TNIP1: variants seen among roughly 807,000 people sequenced by gnomAD.
TNIP1 encodes the protein TNFAIP3-interacting protein 1.
A neutral mutation model predicts 86.6 loss-of-function variants in TNIP1; 22 were observed. That is an observed-to-expected ratio of 0.25 (90% confidence interval 0.18 to 0.36). The LOEUF is 0.36. Ranked by LOEUF, TNIP1 falls within the 10% of genes least tolerant of loss-of-function variation. The pLI, the probability that TNIP1 is intolerant of heterozygous loss-of-function variation, is 1.00. For synonymous variants in TNIP1, 294 were observed against 313.0 expected (o/e 0.94, Z 0.64); for missense variants, 709 against 820.6 (o/e 0.86, Z 1.66).
At position 151,065,121 on chromosome 5, in the gene TNIP1, T is replaced by C. The variant is rs192679922; in HGVS notation, c.-26A>G. 7.7e-5 allele frequency: 123 copies of C among 1,606,724 alleles called. 3 individuals carry two copies. In the East Asian group the frequency reaches 1.7e-3, roughly 22 times the overall value. ...GAGGGTAGCTCAGCCCCTGCCGTGG[T>C]GCCCGCCTGGCTGTAAGGACAACAG... On this transcript the variant is annotated 5_prime_UTR_variant, in exon 2 of 18. Coordinates refer to ENST00000521591, the MANE Select transcript of TNIP1 (RefSeq NM_006058.5).
chr5:151,066,325 C>G (rs371303363), intron 1 of TNIP1, among the ~76,000 whole-genome samples: 6 of 152,340 alleles, frequency 3.9e-5, no homozygotes, highest in African/African-American at 1.4e-4. Flanking sequence ...AAACACCGAG[C>G]CAGCCTCCAG....
rs768691423 is a variant in TNIP1, at chr5:151,030,119, A to G, written c.*594T>C. ...GCGCCCCTCGGCGGACGTGGCTGGCATGGCCTTCTCCCATCTGTGATGGCT... is the reference window on the plus strand; with the variant it reads ...GCGCCCCTCGGCGGACGTGGCTGGCGTGGCCTTCTCCCATCTGTGATGGCT... On this transcript the variant is annotated 3_prime_UTR_variant, in exon 18 of 18. Coordinates refer to ENST00000521591, the MANE Select transcript of TNIP1 (RefSeq NM_006058.5). 4.4e-6 allele frequency: 2 copies of G among 456,890 alleles called. No individual in the cohort carries two copies. Among genetic ancestry groups the G allele is most frequent in the South Asian group, 1.5e-5 (1 of 64,570 alleles). The allele number at this position is 456,890 out of a possible 1,614,324, so 28.3% of individuals were successfully genotyped here. A position where few individuals can be genotyped will look rare whatever the true frequency, so the allele number is the denominator to read the frequency against.
chr5:151,035,838 C>T, intron 13 of TNIP1, 131 bp from the exon 14 acceptor site: 1 of 1,107,980 alleles, frequency 9.0e-7, no homozygotes, highest in Non-Finnish European at 1.3e-6. Flanking sequence ...GGGAGTGGGA[C>T]AGCTACACCT....
chr5:151,071,718 T>C (rs1046279060), intron 1 of TNIP1, among the ~76,000 whole-genome samples: 3 of 152,124 alleles, frequency 2.0e-5, no homozygotes, highest in Admixed American at 2.0e-4. Flanking sequence ...TGTACCAGGC[T>C]CTGGCCAAGC....
At chr5:151,034,539 A>G (rs1757437854) in intron 15 of TNIP1, 2 of 295,064 alleles carry the variant, frequency 6.8e-6, no homozygotes, top group Non-Finnish European at 6.4e-6. Flanking sequence ...GGCTGGGCAC[A>G]TGGGCACGGA....
intron 17 of TNIP1, 185 bp downstream of exon 17, chr5:151,032,102 T>A (rs1042625455): frequency 8.3e-6 from 5 of 598,836 alleles, no homozygotes; most frequent in Non-Finnish European, 1.5e-5. Context: ...TGCACTAGAA[T>A]GAATGGTTTC....
Position 151,048,789 on chromosome 5 carries a change from G to C in TNIP1, c.846+1035C>G, listed in dbSNP as rs537025802. ...CCGGATCTGATTTGGGGAATAAAGG[G>C]AAGAAAAGAGGATCTCCATGGGCTG... On this transcript the variant is annotated intron_variant, in intron 8 of 17. Coordinates refer to ENST00000521591, the MANE Select transcript of TNIP1 (RefSeq NM_006058.5). 8.5e-5 allele frequency among the ~76,000 whole-genome samples: 13 copies of C among 152,292 alleles called. No homozygotes were observed. The South Asian group carries it at 2.7e-3, about 32-fold the overall frequency.
At chr5:151,082,688 A>G (rs1038225108), upstream of TNIP1, among the ~76,000 whole-genome samples, 2 of 152,190 alleles carry the variant, frequency 1.3e-5, no homozygotes, top group African/African-American at 4.8e-5. Context: ...CCGGGCAGAC[A>G]GTTTCATTTC....
intron 5 of TNIP1, among the ~76,000 whole-genome samples, chr5:151,059,799 GAGAGAGAGA>G (rs1761170043): frequency 9.4e-6 from 1 of 106,682 alleles, no homozygotes; most frequent in African/African-American, 4.7e-5. Flanking sequence ...GAGAGAGAGA[GAGAGAGAGA>G]GAGAGAGAGA....
intron 6 of TNIP1, among the ~76,000 whole-genome samples, chr5:151,054,256 T>C (rs1056642791): frequency 2.0e-5 from 3 of 152,216 alleles, no homozygotes; most frequent in Non-Finnish European, 2.9e-5. Flanking sequence ...GGGAAAACTT[T>C]TGTTGTGTAA....
chr5:151,047,772 C>T (rs564512097), intron 8 of TNIP1, among the ~76,000 whole-genome samples: 17 of 152,156 alleles, frequency 1.1e-4, no homozygotes, highest in Admixed American at 9.2e-4. Context: ...GGGTGTGTGT[C>T]GACTCTATCT....
rs1581780534 is a variant in TNIP1, at chr5:151,046,148, C to T, written c.847-198G>A. ...GAAGTCTACAAGATGATGATTCCCC[C>T]TCCCTGACTCAGGGTGGCTGCCAGG... On this transcript the variant is annotated intron_variant, in intron 8 of 17. Coordinates refer to ENST00000521591, the MANE Select transcript of TNIP1 (RefSeq NM_006058.5). The T allele has an allele frequency of 8.7e-6, 5 of 574,436 alleles. No homozygotes were observed. In the East Asian group the frequency reaches 1.5e-4, roughly 17 times the overall value. The allele number at this position is 574,436 out of a possible 1,614,324, so 35.6% of individuals were successfully genotyped here.
At chr5:151,044,013 GA>G (rs1238018486) in intron 9 of TNIP1, among the ~76,000 whole-genome samples, 1 of 152,028 alleles carries the variant, frequency 6.6e-6, no homozygotes, top group Non-Finnish European at 1.5e-5. Flanking sequence ...AAATTACAAA[GA>G]ATTAAAGGAA....
chr5:151,052,108 A>T, intron 7 of TNIP1, 57 bp downstream of exon 7: 1 of 1,512,058 alleles, frequency 6.6e-7, no homozygotes, highest in Non-Finnish European at 9.1e-7. Context: ...GCTGCACACC[A>T]GCCCCTCCTC....
At position 151,039,068 on chromosome 5, in the gene TNIP1, AGCCAAGGGACCCGG is replaced by A. The variant is rs767693395; in HGVS notation, c.1263+15_1263+28del. Reference sequence around the variant, plus strand: ...ATTGCAGCTGGACTCAAGGGAGCCCAGCCAAGGGACCCGGGCCAAGGCACCCACCTTGTTGAGCC... The same window carrying A: ...ATTGCAGCTGGACTCAAGGGAGCCCAGCCAAGGCACCCACCTTGTTGAGCC... On this transcript the variant is annotated intron_variant, in intron 12 of 17. Coordinates refer to ENST00000521591, the MANE Select transcript of TNIP1 (RefSeq NM_006058.5). 1.2e-6 allele frequency: 2 copies of A among 1,603,740 alleles called. No homozygotes were observed. The highest frequency in any genetic ancestry group is 2.7e-5 in the African/African-American group (2 of 74,660).
At position 151,030,665 on chromosome 5, in the gene TNIP1, C is replaced by T. The variant is rs775471147; in HGVS notation, c.*48G>A. The stretch of plus-strand genomic sequence containing the variant: ...TTCTAGTTTCTTGGCAATCTGAGAT[C>T]AGCTGGCTCTGCAAGATGAAGGTGG... On this transcript the variant is annotated 3_prime_UTR_variant, in exon 18 of 18. Coordinates refer to ENST00000521591, the MANE Select transcript of TNIP1 (RefSeq NM_006058.5). 1.2e-6 allele frequency: 2 copies of T among 1,613,830 alleles called. No individual in the cohort carries two copies. Among genetic ancestry groups the T allele is most frequent in the South Asian group, 1.1e-5 (1 of 90,988 alleles).
At chr5:151,066,793 G>C (rs1581887427) in intron 1 of TNIP1, among the ~76,000 whole-genome samples, 1 of 152,262 alleles carries the variant, frequency 6.6e-6, no homozygotes, top group Non-Finnish European at 1.5e-5. Flanking sequence ...AGTCAGCCCT[G>C]CCTGCTGTGA....
chr5:151,056,011 T>C (rs1760612183), intron 6 of TNIP1, among the ~76,000 whole-genome samples: 1 of 152,220 alleles, frequency 6.6e-6, no homozygotes, highest in Admixed American at 6.5e-5. Flanking sequence ...CAGCATGGAC[T>C]AGGTTCTGGA....
chr5:151,045,788 AGG>A lies in TNIP1; in HGVS notation c.936+71_936+72del, dbSNP rs1362172596. The A allele has an allele frequency of 1.2e-4, 176 of 1,504,222 alleles. No homozygotes were observed. The Admixed American group carries it at 2.9e-3, about 25-fold the overall frequency. 93.2% of individuals were successfully genotyped at this position (1,504,222 alleles called of 1,614,324 possible). ...TGGGACCTGCCAGAGCCAGGAGGCC[AGG>A]GCAAGCCTTTGTGCTGCTGGTCCCG... On this transcript the variant is annotated intron_variant, in intron 9 of 17. Coordinates refer to ENST00000521591, the MANE Select transcript of TNIP1 (RefSeq NM_006058.5).
Sources: gnomAD v4.1 joint callset for allele counts (sites outside exome capture counted in the v4.1 genomes callset) on GRCh38, gnomAD v4.1.1 for gene constraint, MANE v1.5 for transcripts, NCBI Gene and HGNC (gene_info 2026-07-23, HGNC 2026-07-21) for gene names.